The following ZSCAN5A variants were observed in gnomAD, a reference collection of about 807,000 sequenced individuals.
ZSCAN5A encodes the protein zinc finger and SCAN domain-containing protein 5A.
A neutral mutation model predicts 23.7 loss-of-function variants in ZSCAN5A; 12 were observed. The observed-to-expected ratio is 0.51, with a 90% CI of 0.32 to 0.82. The LOEUF is 0.82. Ranked by LOEUF, ZSCAN5A falls within the 40% of genes least tolerant of loss-of-function variation. The pLI is 0.03. For synonymous variants in ZSCAN5A, 257 were observed against 239.9 expected (o/e 1.07, Z -0.66); for missense variants, 597 against 617.9 (o/e 0.97, Z 0.36).
At chr19:56,316,205 C>G (rs1353744909), upstream of ZSCAN5A, 1 of 152,210 alleles carries the variant, frequency 6.6e-6, no homozygotes, top group Non-Finnish European at 1.5e-5. Flanking sequence ...ACTTCCAGTC[C>G]AGGCAGTGCC....
intron 1 of ZSCAN5A, among the ~76,000 whole-genome samples, chr19:56,367,654 A>T (rs890506685): frequency 6.6e-6 from 1 of 152,238 alleles, no homozygotes; most frequent in African/African-American, 2.4e-5. Flanking sequence ...CACATTTATG[A>T]GCACTTAATC....
At chr19:56,353,640 C>G (rs536010167) in intron 2 of ZSCAN5A, among the ~76,000 whole-genome samples, 55 of 151,724 alleles carry the variant, frequency 3.6e-4, no homozygotes, top group African/African-American at 8.5e-4. Flanking sequence ...AAATTAGCTG[C>G]GCGTGGTGGC....
chr19:56,239,407 G>A (rs2035234550), intron 2 of ZSCAN5A, among the ~76,000 whole-genome samples: 2 of 152,194 alleles, frequency 1.3e-5, no homozygotes, highest in Admixed American at 1.3e-4. Context: ...GATCCACGCA[G>A]TATAATTCAC....
intron 2 of ZSCAN5A, among the ~76,000 whole-genome samples, chr19:56,247,981 C>T (rs1423693704): frequency 6.6e-6 from 1 of 152,218 alleles, no homozygotes; most frequent in Non-Finnish European, 1.5e-5. Context: ...TGAGCCACCG[C>T]ACCTGGCCTG....
intron 2 of ZSCAN5A, chr19:56,354,496 G>C (rs1171776381): frequency 6.6e-6 from 1 of 152,104 alleles, no homozygotes; most frequent in Non-Finnish European, 1.5e-5. Flanking sequence ...AATAACACAG[G>C]GTCTTTAAGA....
At chr19:56,281,638 T>C in intron 2 of ZSCAN5A, 1 of 958,134 alleles carries the variant, frequency 1.0e-6, no homozygotes, top group Non-Finnish European at 1.2e-6. Context: ...TTCCACTCTC[T>C]TCCTTGAATT....
chr19:56,221,685 T>A lies in ZSCAN5A; in HGVS notation c.1381A>T (p.Ile461Phe), dbSNP rs751685333. Residue 461 changes from isoleucine (I) to phenylalanine (F), a missense_variant, in exon 6 of 6, where the codon ATC becomes TTC. By Grantham distance (21) the Ile-to-Phe change is conservative (BLOSUM62 0). This residue lies in a region of ZSCAN5A where 87 missense variants were observed against 74.4 expected (regional missense o/e 1.17). Transcript: ENST00000683990. Reference sequence around the variant, plus strand: ...TTGTAGGGTTTCTCTCCGGAGTGGATGCGCTGGTGCTCCTTCAGGCTCCCC... The same window carrying A: ...TTGTAGGGTTTCTCTCCGGAGTGGAAGCGCTGGTGCTCCTTCAGGCTCCCC... ...YRGSLKEHQRIHSGEKPYKCS... is the reference protein window; with the variant it reads ...YRGSLKEHQRFHSGEKPYKCS... 4 of 1,614,252 alleles carry A rather than the reference T, an allele frequency of 2.5e-6. No individual in the cohort carries two copies. Among genetic ancestry groups the A allele is most frequent in the Non-Finnish European group, 3.4e-6 (4 of 1,180,046 alleles).
In ZSCAN5A at chr19:56,310,508, G is replaced by A. The variant is rs576345323; in HGVS notation, c.-128+2775C>T. 4 of 152,414 alleles carry A rather than the reference G, an allele frequency of 2.6e-5. No homozygotes were observed. The East Asian group carries it at 7.7e-4, about 29-fold the overall frequency. 9.4% of individuals were successfully genotyped at this position (152,414 alleles called of 1,614,324 possible). A position where few individuals can be genotyped will look rare whatever the true frequency, so the allele number is the denominator to read the frequency against. On this transcript the variant is annotated intron_variant, in intron 2 of 5. Coordinates refer to ENST00000683990, the MANE Select transcript of ZSCAN5A (RefSeq NM_001322064.3). ...AACACTGAAAACTAACAGGTATGCT[G>A]GTGGATTACCAAGAATCAAACGCTA...
chr19:56,233,341 G>A (rs1300731435), intron 2 of ZSCAN5A, among the ~76,000 whole-genome samples: 1 of 151,988 alleles, frequency 6.6e-6, no homozygotes, highest in African/African-American at 2.4e-5. Context: ...CTATAAAAAC[G>A]GTGTCCACGT....
At chr19:56,288,284 T>A (rs1600194126) in intron 2 of ZSCAN5A, among the ~76,000 whole-genome samples, 1 of 152,170 alleles carries the variant, frequency 6.6e-6, no homozygotes, top group Non-Finnish European at 1.5e-5. Flanking sequence ...GCAGGCTCCA[T>A]CCAGCCCAGG....
Position 56,224,986 on chromosome 19 carries a change from C to G in ZSCAN5A, c.61G>C (p.Glu21Gln). The change falls in exon 3 of 6, where the codon GAG becomes CAG. Residue 21 changes from glutamate (E) to glutamine (Q), a missense_variant. Glu to Gln is a conservative substitution (Grantham distance 29). Around this residue, in one of 5 missense-constraint regions of ZSCAN5A, gnomAD observed 72 missense variants for 76.8 expected, o/e 0.94. Transcript: ENST00000683990. ...GAGGATGCCATAGACCGTGGCAGCTCCAACCCAGGTCTGTTGCAGGATTCT... is the reference window on the plus strand; with the variant it reads ...GAGGATGCCATAGACCGTGGCAGCTGCAACCCAGGTCTGTTGCAGGATTCT... ...LGESCNRPGLELPRSMASSET... is the reference protein window; with the variant it reads ...LGESCNRPGLQLPRSMASSET... The G allele has an allele frequency of 6.2e-7, 1 of 1,614,066 alleles. No individual in the cohort carries two copies. Among genetic ancestry groups the G allele is most frequent in the Non-Finnish European group, 8.5e-7 (1 of 1,179,972 alleles).
chr19:56,281,591 T>C, intron 2 of ZSCAN5A: 1 of 541,482 alleles, frequency 1.8e-6, no homozygotes, highest in South Asian at 8.0e-5. Context: ...AAGAAATGCA[T>C]GTAAAAATTA....
intron 2 of ZSCAN5A, among the ~76,000 whole-genome samples, chr19:56,292,540 A>C (rs1600207205): frequency 6.7e-6 from 1 of 149,806 alleles, no homozygotes; most frequent in African/African-American, 2.5e-5. Context: ...CTCCTACCTC[A>C]GCCTCCCAAA....
At chr19:56,257,068 A>C (rs1280527819) in intron 2 of ZSCAN5A, among the ~76,000 whole-genome samples, 1 of 152,144 alleles carries the variant, frequency 6.6e-6, no homozygotes, top group African/African-American at 2.4e-5. Context: ...TGGAATAGAC[A>C]CCTGACTTGG....
intron 2 of ZSCAN5A, among the ~76,000 whole-genome samples, chr19:56,273,951 G>A (rs766199458): frequency 6.6e-6 from 1 of 152,064 alleles, no homozygotes; most frequent in South Asian, 2.1e-4. Context: ...TCAGATTAGG[G>A]GCAAACACAC....
At chr19:56,229,360 T>C (rs2034260670) in intron 2 of ZSCAN5A, among the ~76,000 whole-genome samples, 1 of 152,218 alleles carries the variant, frequency 6.6e-6, no homozygotes, top group Admixed American at 6.5e-5. Flanking sequence ...ATGTGTTGTT[T>C]TGAAGATGAA....
At chr19:56,275,836 T>C (rs530503246) in intron 2 of ZSCAN5A, among the ~76,000 whole-genome samples, 2 of 152,336 alleles carry the variant, frequency 1.3e-5, no homozygotes, top group East Asian at 3.9e-4. Flanking sequence ...ACACCAAACA[T>C]GGGCCAATGC....
At chr19:56,302,585 T>TTTCTTCCTCTCCCTC (rs200943499) in intron 2 of ZSCAN5A, among the ~76,000 whole-genome samples, 31 of 43,764 alleles carry the variant, frequency 7.1e-4, no homozygotes, top group South Asian at 2.3e-3. Context: ...TCCTCCCCCT[T>TTTCTTCCTCTCCCTC]TTCTTCCTCT....
chr19:56,364,009 C>T (rs938476466), intron 1 of ZSCAN5A, among the ~76,000 whole-genome samples: 24 of 152,150 alleles, frequency 1.6e-4, no homozygotes, highest in Non-Finnish European at 3.1e-4. Context: ...AAGTAAAATG[C>T]AAACAAGAGC....
Sources: allele counts gnomAD v4.1 joint callset (sites outside exome capture counted in the v4.1 genomes callset), GRCh38; gene constraint gnomAD v4.1.1; regional missense constraint gnomAD v4.1.1; transcripts MANE v1.5; gene names NCBI Gene and HGNC (gene_info 2026-07-23, HGNC 2026-07-21).